Variants in TOMM20L observed in about 807,000 individuals in gnomAD.
TOMM20L encodes TOMM20-like protein 1.
TOMM20L carries 19 observed loss-of-function variants against 20.4 expected under a neutral mutation model. The ratio of observed to expected loss-of-function variants is 0.93; its 90% CI spans 0.65 to 1.36. The LOEUF is 1.36. Among genes scored for constraint, TOMM20L ranks in the 40% most tolerant of loss-of-function variants. The pLI, the probability that TOMM20L is intolerant of heterozygous loss-of-function variation, is 0.00. For missense variants in TOMM20L, 218 were observed against 203.7 expected, an observed-to-expected ratio of 1.07 and a Z score of -0.43; for synonymous variants, 75 against 79.6, an observed-to-expected ratio of 0.94 and a Z score of 0.30.
rs764427670 is a variant in TOMM20L, at chr14:58,407,435, G to A, written c.372G>A (p.Glu124=). Residue 124 remains glutamate (E), a synonymous_variant, in exon 4 of 5, where the codon GAG becomes GAA. Coordinates refer to ENST00000360945, the MANE Select transcript of TOMM20L (RefSeq NM_207377.3). The part of the protein sequence containing the change: ...FKHTLPPKVF[E]MLLHKIPLIC... ...ACACTCTCCCTCCCAAGGTATTTGA[G>A]ATGCTGTTGCACAAAATTCCCCTTA... 1 of 1,613,148 alleles carries A rather than the reference G, an allele frequency of 6.2e-7. No individual in the cohort carries two copies. Among genetic ancestry groups the A allele is most frequent in the South Asian group, 1.1e-5 (1 of 90,870 alleles).
chr14:58,406,256 T>C (rs2036055561), intron 3 of TOMM20L, among the ~76,000 whole-genome samples: 2 of 152,214 alleles, frequency 1.3e-5, no homozygotes, highest in Non-Finnish European at 1.5e-5. Context: ...TTTGTATTGT[T>C]AGCACCACCA....
downstream of TOMM20L, among the ~76,000 whole-genome samples, chr14:58,411,546 G>T (rs1566747108): frequency 6.8e-6 from 1 of 147,218 alleles, no homozygotes; most frequent in African/African-American, 2.5e-5. Flanking sequence ...CACTGACATG[G>T]TTTTTTTTTT....
the TOMM20L span, among the ~76,000 whole-genome samples, chr14:58,414,293 T>C: frequency 1.3e-5 from 2 of 152,180 alleles, no homozygotes; most frequent in Admixed American, 6.6e-5. Context: ...TTGAAACTAG[T>C]AGTAAATTCA....
the TOMM20L span, among the ~76,000 whole-genome samples, chr14:58,413,945 T>C: frequency 7.9e-6 from 1 of 126,822 alleles, no homozygotes; most frequent in Non-Finnish European, 1.5e-5. Flanking sequence ...AGGTGGAGCT[T>C]GCAGTGAGCC....
the TOMM20L span, among the ~76,000 whole-genome samples, chr14:58,414,266 A>C: frequency 6.6e-6 from 1 of 152,124 alleles, no homozygotes; most frequent in African/African-American, 2.4e-5. Context: ...TGTTGAAACT[A>C]ATTTTTATGA....
downstream of TOMM20L, chr14:58,408,910 C>T: frequency 1.4e-6 from 2 of 1,398,148 alleles, no homozygotes; most frequent in Non-Finnish European, 1.9e-6. Context: ...ATTTGCCAAA[C>T]AGTCATGACA....
intron 2 of TOMM20L, among the ~76,000 whole-genome samples, chr14:58,401,961 C>A (rs910118327): frequency 6.6e-6 from 1 of 152,174 alleles, no homozygotes; most frequent in Non-Finnish European, 1.5e-5. Context: ...GGTCTCACAA[C>A]TAAAAGACCA....
the TOMM20L span, among the ~76,000 whole-genome samples, chr14:58,415,364 T>A: frequency 6.6e-6 from 1 of 152,018 alleles, no homozygotes; most frequent in Non-Finnish European, 1.5e-5. Context: ...CAAACTGAAT[T>A]AAAAAAAGAC....
At chr14:58,416,905 C>G in the TOMM20L span, among the ~76,000 whole-genome samples, 1 of 152,120 alleles carries the variant, frequency 6.6e-6, no homozygotes, top group South Asian at 2.1e-4. Context: ...CTCTGGAGTT[C>G]AAGACCAGCC....
the TOMM20L span, among the ~76,000 whole-genome samples, chr14:58,415,684 C>T: frequency 3.3e-5 from 5 of 151,982 alleles, no homozygotes; most frequent in African/African-American, 1.2e-4. Flanking sequence ...GAATGAAAAA[C>T]ATTAACAGAG....
chr14:58,408,874 G>A (rs1480675936), downstream of TOMM20L: 6 of 997,136 alleles, frequency 6.0e-6, no homozygotes, highest in East Asian at 1.1e-4. Flanking sequence ...CTGGTAAATA[G>A]CAATTTTGTT....
intron 3 of TOMM20L, among the ~76,000 whole-genome samples, chr14:58,405,405 A>G (rs1211758027): frequency 6.6e-6 from 1 of 152,258 alleles, no homozygotes; most frequent in East Asian, 1.9e-4. Flanking sequence ...TTTTATTCCT[A>G]TTCACTGTAT....
chr14:58,411,913 T>C (rs1348289012), downstream of TOMM20L: 2 of 1,613,828 alleles, frequency 1.2e-6, no homozygotes, highest in African/African-American at 1.3e-5. Context: ...TTACCTGTTT[T>C]ATCTGATCAG....
At chr14:58,412,376 A>G (rs2036249031), downstream of TOMM20L, among the ~76,000 whole-genome samples, 1 of 152,094 alleles carries the variant, frequency 6.6e-6, no homozygotes, top group Non-Finnish European at 1.5e-5. Context: ...TCTTAACCTC[A>G]TGATCCGCCT....
rs367612244 is a variant in TOMM20L, at chr14:58,407,329, A to C, written c.266A>C (p.Glu89Ala). Reference sequence around the variant, plus strand: ...AAAACTTGTCATTCTGTTTCAGGAGAGCACAGAATGGGGATTCAACACCTC... The same window carrying C: ...AAAACTTGTCATTCTGTTTCAGGAGCGCACAGAATGGGGATTCAACACCTC... ...RMGELWLSRG[E>A]HRMGIQHLGN... The change falls in exon 4 of 5, where the codon GAG becomes GCG. Residue 89 changes from glutamate (E) to alanine (A), a missense_variant. Transcript: ENST00000360945. The C allele has an allele frequency of 5.6e-6, 9 of 1,599,400 alleles. 1 individual carries two copies. The highest frequency in any genetic ancestry group is 2.3e-5 in the East Asian group (1 of 44,112).
intron 4 of TOMM20L, 107 bp from the exon 5 acceptor site, chr14:58,408,422 A>T (rs1194729685): frequency 1.1e-5 from 12 of 1,085,076 alleles, no homozygotes; most frequent in Non-Finnish European, 1.3e-5. Context: ...CGTCTCAAAA[A>T]AAAAAAAAAA....
At chr14:58,411,803 CTGGGATTACAGA>C, downstream of TOMM20L, 3 of 1,067,354 alleles carry the variant, frequency 2.8e-6, no homozygotes, top group Non-Finnish European at 4.3e-6. Flanking sequence ...TCCCAACGTG[CTGGGATTACAGA>C]TGTGAGCCAC....
chr14:58,403,135 T>C (rs1467577421), intron 3 of TOMM20L, among the ~76,000 whole-genome samples: 3 of 152,224 alleles, frequency 2.0e-5, no homozygotes, highest in Admixed American at 6.5e-5. Context: ...GGCAAGAGGA[T>C]TGCTTGAGGC....
chr14:58,399,652 A>T lies in TOMM20L; in HGVS notation c.181-3028A>T, dbSNP rs78402895. Among the ~76,000 whole-genome samples the T allele has an allele frequency of 2.8e-4, 42 of 151,670 alleles. No individual in the cohort carries two copies. In the East Asian group the frequency reaches 8.2e-3, roughly 30 times the overall value. Reference sequence around the variant, plus strand: ...GTACTACTCTAGACCTGGTGTCCCAAGTTTCATCTGCCTACCAGACTCTGT... The same window carrying T: ...GTACTACTCTAGACCTGGTGTCCCATGTTTCATCTGCCTACCAGACTCTGT... On this transcript the variant is annotated intron_variant, in intron 2 of 4. Transcript: ENST00000360945.
Sources: allele counts gnomAD v4.1 joint callset (sites outside exome capture counted in the v4.1 genomes callset), GRCh38; gene constraint gnomAD v4.1.1; transcripts MANE v1.5; gene names NCBI Gene and HGNC (gene_info 2026-07-23, HGNC 2026-07-21).